The following ZNF282 variants were observed in gnomAD, a reference collection of about 807,000 sequenced individuals.
ZNF282 encodes zinc finger protein 282, also known as HTLV-I U5 repressive element-binding protein 1.
Under a neutral mutation model 61.9 loss-of-function variants are expected in ZNF282, and 30 were observed. The observed-to-expected ratio is 0.48, with a 90% CI of 0.36 to 0.66. The LOEUF (loss-of-function observed/expected upper bound fraction) is 0.66. Ranked by LOEUF, ZNF282 falls within the 30% of genes least tolerant of loss-of-function variation. The probability of loss-of-function intolerance (pLI) is 0.00; values close to 1 mark genes in which losing one functional copy is unlikely to be tolerated. For synonymous variants in ZNF282, 396 were observed against 405.0 expected, an observed-to-expected ratio of 0.98 and a Z score of 0.27; for missense variants, 788 against 941.4, an observed-to-expected ratio of 0.84 and a Z score of 2.13.
chr7:149,224,765 G>C lies in ZNF282; in HGVS notation c.*118G>C, dbSNP rs961607464. Reference sequence around the variant, plus strand: ...AAATCGGCAACAGGCATTGCACTCCGGTTGGGGGTCCCCCAGGGTGGGGCA... The same window carrying C: ...AAATCGGCAACAGGCATTGCACTCCCGTTGGGGGTCCCCCAGGGTGGGGCA... On this transcript the variant is annotated 3_prime_UTR_variant, in exon 8 of 8. Transcript: ENST00000610704. 1.9e-5 allele frequency: 27 copies of C among 1,418,534 alleles called. No homozygotes were observed. The African/African-American group carries it at 3.7e-4, about 20-fold the overall frequency. The allele number at this position is 1,418,534 out of a possible 1,614,324, so 87.9% of individuals were successfully genotyped here. A position where few individuals can be genotyped will look rare whatever the true frequency, so the allele number is the denominator to read the frequency against.
intron 7 of ZNF282, among the ~76,000 whole-genome samples, chr7:149,220,762 T>A (rs1796231852): frequency 6.9e-6 from 1 of 145,588 alleles, no homozygotes; most frequent in Non-Finnish European, 1.5e-5. Context: ...TACCAGCCAG[T>A]GACTGGAAAG....
chr7:149,195,656 G>T lies in ZNF282; in HGVS notation c.67G>T (p.Gly23Trp). 1 of 1,602,140 alleles carries T rather than the reference G, an allele frequency of 6.2e-7. No individual in the cohort carries two copies. The highest frequency in any genetic ancestry group is 8.5e-7 in the Non-Finnish European group (1 of 1,175,342). Residue 23 changes from glycine to tryptophan, a missense_variant, in exon 1 of 8, where the codon GGG (glycine) becomes TGG (tryptophan). Transcript: ENST00000610704. The stretch of plus-strand genomic sequence containing the variant: ...CATCCAGGGCCTGGGGCTGGACAGC[G>T]GGAGCTGGAGCTGGGCCCAGGCTCT... Reference protein sequence around the residue: ...LGIQGLGLDSGSWSWAQALPP... With the variant: ...LGIQGLGLDSWSWSWAQALPP...
intron 7 of ZNF282, among the ~76,000 whole-genome samples, chr7:149,223,287 T>G (rs953212335): frequency 1.1e-4 from 17 of 151,784 alleles, no homozygotes; most frequent in Non-Finnish European, 1.9e-4. Context: ...AAGATTTGTT[T>G]TTTTTTTTTA....
chr7:149,216,983 G>A (rs954723602), intron 7 of ZNF282, among the ~76,000 whole-genome samples: 3 of 152,218 alleles, frequency 2.0e-5, no homozygotes, highest in Non-Finnish European at 4.4e-5. Flanking sequence ...CACTGAAGCA[G>A]GAAGCGTAGC....
chr7:149,224,191 C>G lies in ZNF282; in HGVS notation c.1560C>G (p.Cys520Trp). The G allele has an allele frequency of 2.5e-6, 4 of 1,604,794 alleles. No homozygotes were observed. Among genetic ancestry groups the G allele is most frequent in the Non-Finnish European group, 3.4e-6 (4 of 1,179,416 alleles). The change falls in exon 8 of 8, where the codon TGC becomes TGG. Residue 520 changes from cysteine to tryptophan, a missense_variant. Transcript: ENST00000610704. ...GCGCCCGCAGCAAGCCCTACTCGTG[C>G]CCCGAGTGCGGCAAGAGCTTCGGCG... is the stretch of plus-strand genomic sequence containing the variant. ...LHGARSKPYS[C>W]PECGKSFGVR...
Position 149,209,310 on chromosome 7 carries a change from C to T in ZNF282, c.833-1275C>T, listed in dbSNP as rs566338125. Among the ~76,000 whole-genome samples the T allele has an allele frequency of 2.2e-4, 33 of 150,960 alleles. 1 individual carries two copies. The South Asian group carries it at 6.7e-3, about 31-fold the overall frequency. The stretch of plus-strand genomic sequence containing the variant: ...GCACTCCAGCCTGGGAGACAGATTC[C>T]GTCTCAAAAAAAAAAAAGAAACCCC... On this transcript the variant is annotated intron_variant, in intron 4 of 7. Transcript: ENST00000610704.
chr7:149,224,050 G>A lies in ZNF282; in HGVS notation c.1419G>A (p.Gly473=), dbSNP rs1191459681. The part of the protein sequence containing the change: ...EAPPGGDRST[G]GGGGDGGGGG... Reference sequence around the variant, plus strand: ...CGCCGGGTGGGGACCGCAGCACCGGGGGCGGCGGGGGCGATGGGGGCGGTG... The same window carrying A: ...CGCCGGGTGGGGACCGCAGCACCGGAGGCGGCGGGGGCGATGGGGGCGGTG... Residue 473 remains glycine, a synonymous_variant, in exon 8 of 8, where the codon GGG becomes GGA. Transcript: ENST00000610704. 4.3e-6 allele frequency: 5 copies of A among 1,162,212 alleles called. No individual in the cohort carries two copies. The highest frequency in any genetic ancestry group is 4.2e-6 in the Non-Finnish European group (4 of 944,370). 72.0% of individuals were successfully genotyped at this position (1,162,212 alleles called of 1,614,324 possible). A position where few individuals can be genotyped will look rare whatever the true frequency, so the allele number is the denominator to read the frequency against.
At chr7:149,202,947 G>A (rs1376673194) in intron 2 of ZNF282, among the ~76,000 whole-genome samples, 1 of 152,072 alleles carries the variant, frequency 6.6e-6, no homozygotes, top group Non-Finnish European at 1.5e-5. Context: ...GGCAGGGACT[G>A]GGTCTTGTGT....
At chr7:149,201,491 G>A (rs1385417837) in intron 2 of ZNF282, among the ~76,000 whole-genome samples, 4 of 151,964 alleles carry the variant, frequency 2.6e-5, no homozygotes, top group African/African-American at 7.3e-5. Flanking sequence ...GGTGGCTCAC[G>A]CCCATAATCC....
chr7:149,220,691 C>T (rs1796230464), intron 7 of ZNF282, among the ~76,000 whole-genome samples: 1 of 152,128 alleles, frequency 6.6e-6, no homozygotes, highest in South Asian at 2.1e-4. Flanking sequence ...CAGAAGCCTC[C>T]CAGCAAACTT....
intron 7 of ZNF282, among the ~76,000 whole-genome samples, chr7:149,220,304 CG>C (rs1338092732): frequency 6.6e-6 from 1 of 151,344 alleles, no homozygotes. Flanking sequence ...CCCAGCTACT[CG>C]GGAGGCTGAG....
At chr7:149,200,481 C>T (rs1388436241) in intron 2 of ZNF282, among the ~76,000 whole-genome samples, 3 of 152,184 alleles carry the variant, frequency 2.0e-5, no homozygotes, top group Non-Finnish European at 2.9e-5. Context: ...ATTTTGCCTC[C>T]TTTGGCCAGC....
At chr7:149,209,343 C>A (rs759838236) in intron 4 of ZNF282, among the ~76,000 whole-genome samples, 1 of 151,800 alleles carries the variant, frequency 6.6e-6, no homozygotes, top group East Asian at 1.9e-4. Context: ...CCCACACCCA[C>A]AAGCAGTCCT....
intron 4 of ZNF282, among the ~76,000 whole-genome samples, chr7:149,209,780 A>G (rs1045919412): frequency 6.6e-6 from 1 of 152,146 alleles, no homozygotes; most frequent in Non-Finnish European, 1.5e-5. Flanking sequence ...CCATCAGAAG[A>G]AAAGGCCCTG....
intron 1 of ZNF282, among the ~76,000 whole-genome samples, chr7:149,197,507 C>T (rs1384031145): frequency 6.6e-6 from 1 of 152,186 alleles, no homozygotes; most frequent in Non-Finnish European, 1.5e-5. Flanking sequence ...GAGTCTTGCT[C>T]TGTTGCCCAG....
At chr7:149,218,889 G>T (rs1478011632) in intron 7 of ZNF282, among the ~76,000 whole-genome samples, 1 of 152,186 alleles carries the variant, frequency 6.6e-6, no homozygotes, top group African/African-American at 2.4e-5. Flanking sequence ...ATAAGGCTAG[G>T]TCTGGGATGG....
At chr7:149,203,033 A>C (rs910800910) in intron 2 of ZNF282, among the ~76,000 whole-genome samples, 3 of 152,196 alleles carry the variant, frequency 2.0e-5, no homozygotes, top group Admixed American at 1.3e-4. Flanking sequence ...TTGAGGCTTC[A>C]CAGAACTGAG....
intron 4 of ZNF282, among the ~76,000 whole-genome samples, chr7:149,210,029 G>A (rs1300585020): frequency 6.6e-6 from 1 of 152,150 alleles, no homozygotes; most frequent in African/African-American, 2.4e-5. Flanking sequence ...ACCTGCTGAC[G>A]ACAGTGAGAC....
chr7:149,210,733 A>G (rs561271576), intron 5 of ZNF282, 29 bp downstream of exon 5: 9 of 1,501,090 alleles, frequency 6.0e-6, no homozygotes, highest in South Asian at 1.3e-5. Context: ...CGTCCACACC[A>G]GGGAGGGGAG....
Sources: gnomAD v4.1 joint callset for allele counts (sites outside exome capture counted in the v4.1 genomes callset) on GRCh38, gnomAD v4.1.1 for gene constraint, MANE v1.5 for transcripts, NCBI Gene and HGNC (gene_info 2026-07-23, HGNC 2026-07-21) for gene names.